CCDC144A: variants seen among roughly 807,000 people sequenced by gnomAD.
CCDC144A encodes coiled-coil domain-containing protein 144A.
CCDC144A carries 41 observed loss-of-function variants against 143.8 expected under a neutral mutation model. The observed-to-expected ratio is 0.29, with a 90% CI of 0.22 to 0.37. The LOEUF (loss-of-function observed/expected upper bound fraction) is 0.37. Ranked by LOEUF, CCDC144A falls within the 10% of genes least tolerant of loss-of-function variation. The pLI, the probability that CCDC144A is intolerant of heterozygous loss-of-function variation, is 1.00. For synonymous variants in CCDC144A, 242 were observed against 517.9 expected, an observed-to-expected ratio of 0.47 and a Z score of 7.23; for missense variants, 637 against 1,488.8, an observed-to-expected ratio of 0.43 and a Z score of 9.41.
chr17:16,693,192 G>C lies in CCDC144A; in HGVS notation c.415+143G>C, dbSNP rs911648528. ...ATAGGTTAGATTTCTTGGTAGGTTA[G>C]ATGTCACAATTATTTAAAAAGTTAA... On this transcript the variant is annotated intron_variant, in intron 2 of 16. Coordinates refer to ENST00000399273, the MANE Select transcript of CCDC144A (RefSeq NM_001382000.1). 19 of 597,260 alleles carry C rather than the reference G, an allele frequency of 3.2e-5. No homozygotes were observed. In the African/African-American group the frequency reaches 3.4e-4, roughly 11 times the overall value. The allele number at this position is 597,260 out of a possible 1,614,324, so 37.0% of individuals were successfully genotyped here. A position where few individuals can be genotyped will look rare whatever the true frequency, so the allele number is the denominator to read the frequency against.
the CCDC144A span, among the ~76,000 whole-genome samples, chr17:16,676,248 A>G: frequency 1.4e-4 from 22 of 152,170 alleles, no homozygotes; most frequent in African/African-American, 5.3e-4. Flanking sequence ...GCGGTGGCTC[A>G]TGTCTGTATT....
At chr17:16,753,428 G>GTTTTTTTTTTTTTTTTTTTT in intron 12 of CCDC144A, among the ~76,000 whole-genome samples, 1 of 57,376 alleles carries the variant, frequency 1.7e-5, no homozygotes, top group African/African-American at 7.0e-5. Flanking sequence ...GTGTTTTGTA[G>GTTTTTTTTTTTTTTTTTTTT]TTTTTTTTTT....
rs1915987104 is a variant in CCDC144A, at chr17:16,775,920, T to C, written c.*2287T>C. 1 of 152,248 alleles carries C rather than the reference T, an allele frequency of 6.6e-6. No homozygotes were observed. The highest frequency in any genetic ancestry group is 1.5e-5 in the Non-Finnish European group (1 of 68,066). The allele number at this position is 152,248 out of a possible 1,614,324, so 9.4% of individuals were successfully genotyped here. On this transcript the variant is annotated 3_prime_UTR_variant, in exon 17 of 17. Transcript: ENST00000399273. ...AGGGGTCCCGTTTCAATTTGCTGCA[T>C]ATGGCTAGCCAGTTCTCCCAGCACC...
At chr17:16,671,253 G>T in the CCDC144A span, among the ~76,000 whole-genome samples, 2 of 152,048 alleles carry the variant, frequency 1.3e-5, no homozygotes, top group Non-Finnish European at 2.9e-5. Context: ...AAAGTGCTGG[G>T]TTAATAGGTG....
At chr17:16,704,949 T>C (rs1455450819) in intron 2 of CCDC144A, among the ~76,000 whole-genome samples, 1 of 152,022 alleles carries the variant, frequency 6.6e-6, no homozygotes, top group Admixed American at 6.6e-5. Flanking sequence ...TGTAGAAAAG[T>C]GAGAGATGAT....
rs1245225495 is a variant in CCDC144A at position 16,690,741 on chromosome 17, A to G, written c.341A>G (p.Lys114Arg). The change falls in exon 1 of 17, where the codon AAG becomes AGG. Residue 114 changes from lysine to arginine, a missense_variant. By Grantham distance (26) the Lys-to-Arg change is conservative (BLOSUM62 2). Coordinates refer to ENST00000399273, the MANE Select transcript of CCDC144A (RefSeq NM_001382000.1). ...DTGVDKRDRK[K>R]SIQQLVPEYK... The stretch of plus-strand genomic sequence containing the variant: ...GGCGTGGACAAGAGGGATAGGAAGA[A>G]GAGGTAATGGCCAGGCGAAGGATGC... 1 of 1,601,798 alleles carries G rather than the reference A, an allele frequency of 6.2e-7. No individual in the cohort carries two copies. Among genetic ancestry groups the G allele is most frequent in the African/African-American group, 1.3e-5 (1 of 74,606 alleles).
intron 12 of CCDC144A, chr17:16,746,694 G>GT (rs1914538850): frequency 1.2e-5 from 19 of 1,611,316 alleles, no homozygotes; most frequent in Non-Finnish European, 1.4e-5. Context: ...TCGTGTGCTG[G>GT]CAGCGGGCGC....
intron 12 of CCDC144A, among the ~76,000 whole-genome samples, chr17:16,756,015 G>T (rs1334137912): frequency 6.6e-6 from 1 of 152,222 alleles, no homozygotes; most frequent in Non-Finnish European, 1.5e-5. Flanking sequence ...TCCCTTGTAT[G>T]TGACTTGGTG....
Position 16,777,111 on chromosome 17 carries a change from AAAGAGGGACATT to A in CCDC144A, c.*3480_*3491del, listed in dbSNP as rs1301212958. On this transcript the variant is annotated 3_prime_UTR_variant, in exon 17 of 17. Coordinates refer to ENST00000399273, the MANE Select transcript of CCDC144A (RefSeq NM_001382000.1). ...AAGACAACAGCAGTTTTAAAAAGAC[AAAGAGGGACATT>A]ATATAATGATAAAAGGACTAGTTCA... 3.6e-5 allele frequency: 5 copies of A among 140,398 alleles called. No homozygotes were observed. The highest frequency in any genetic ancestry group is 5.5e-5 in the African/African-American group (2 of 36,102). The allele number at this position is 140,398 out of a possible 1,614,324, so 8.7% of individuals were successfully genotyped here.
At chr17:16,725,349 CAGTT>C (rs1913355594) in intron 8 of CCDC144A, among the ~76,000 whole-genome samples, 1 of 152,012 alleles carries the variant, frequency 6.6e-6, no homozygotes, top group South Asian at 2.1e-4. Flanking sequence ...GCTTTCTTCT[CAGTT>C]AGTCCAGTAA....
intron 1 of CCDC144A, among the ~76,000 whole-genome samples, chr17:16,691,291 T>C (rs1038215498): frequency 5.3e-5 from 8 of 152,158 alleles, no homozygotes; most frequent in Non-Finnish European, 7.3e-5. Context: ...AGTTTCCTTT[T>C]TTCATTGCTA....
At chr17:16,738,801 A>G (rs1914136001) in intron 12 of CCDC144A, among the ~76,000 whole-genome samples, 1 of 152,052 alleles carries the variant, frequency 6.6e-6, no homozygotes, top group Non-Finnish European at 1.5e-5. Flanking sequence ...TCTCTTGGGT[A>G]TATACATATG....
At chr17:16,742,870 A>G (rs1914324234) in intron 12 of CCDC144A, among the ~76,000 whole-genome samples, 1 of 152,020 alleles carries the variant, frequency 6.6e-6, no homozygotes, top group South Asian at 2.1e-4. Context: ...TCTTTTTAGA[A>G]ATGTCTATTT....
intron 2 of CCDC144A, among the ~76,000 whole-genome samples, chr17:16,696,211 C>T (rs1470506142): frequency 1.3e-5 from 2 of 151,966 alleles, no homozygotes; most frequent in East Asian, 1.9e-4. Flanking sequence ...GACAGGGTTT[C>T]GGCATGTTTG....
At chr17:16,689,383 AG>A (rs751371413), upstream of CCDC144A, among the ~76,000 whole-genome samples, 5 of 152,162 alleles carry the variant, frequency 3.3e-5, no homozygotes, top group Middle Eastern at 3.4e-3. Context: ...TTTAGTAGAG[AG>A]GGTTTCACCA....
chr17:16,719,415 T>C (rs1466706633), intron 6 of CCDC144A, among the ~76,000 whole-genome samples: 1 of 152,188 alleles, frequency 6.6e-6, no homozygotes, highest in Non-Finnish European at 1.5e-5. Flanking sequence ...TCTGACATTA[T>C]TTATAGTTGT....
At chr17:16,684,109 A>G in the CCDC144A span, 1 of 1,099,364 alleles carries the variant, frequency 9.1e-7, no homozygotes, top group Non-Finnish European at 1.4e-6. Flanking sequence ...TAAATGGTAT[A>G]ACTAACTGGG....
At chr17:16,750,470 G>A (rs1485315737) in intron 12 of CCDC144A, among the ~76,000 whole-genome samples, 1 of 148,180 alleles carries the variant, frequency 6.7e-6, no homozygotes, top group African/African-American at 2.6e-5. Context: ...TGATGCAGCT[G>A]TTATAGCTGC....
At chr17:16,678,550 ATC>A in the CCDC144A span, among the ~76,000 whole-genome samples, 1 of 149,814 alleles carries the variant, frequency 6.7e-6, no homozygotes, top group Non-Finnish European at 1.5e-5. Context: ...TGAATTTTGA[ATC>A]TCTGTTCTTT....
Sources: allele counts gnomAD v4.1 joint callset (sites outside exome capture counted in the v4.1 genomes callset), GRCh38; gene constraint gnomAD v4.1.1; transcripts MANE v1.5; gene names NCBI Gene and HGNC (gene_info 2026-07-23, HGNC 2026-07-21).